The following SGCZ variants were observed in gnomAD, a reference collection of about 807,000 sequenced individuals.
SGCZ encodes zeta-sarcoglycan.
In SGCZ, 40 loss-of-function variants were observed where a neutral mutation model predicts 41.3. The observed-to-expected ratio is 0.97, with a 90% CI of 0.75 to 1.26. SGCZ has a LOEUF of 1.26. Ranked by LOEUF, SGCZ falls within the 50% of genes most tolerant of loss-of-function variation. SGCZ has a pLI of 0.00. For missense variants in SGCZ, 552 were observed against 369.8 expected, an observed-to-expected ratio of 1.49 and a Z score of -4.04; for synonymous variants, 206 against 137.5, an observed-to-expected ratio of 1.50 and a Z score of -3.49.
chr8:14,904,885 A>G (rs1488435092), intron 1 of SGCZ, among the ~76,000 whole-genome samples: 1 of 151,860 alleles, frequency 6.6e-6, no homozygotes, highest in African/African-American at 2.4e-5. Context: ...TTAGATAACC[A>G]TTCTTTATCT....
chr8:14,199,453 T>C (rs547505006), intron 4 of SGCZ, among the ~76,000 whole-genome samples: 1 of 152,186 alleles, frequency 6.6e-6, no homozygotes, highest in African/African-American at 2.4e-5. Context: ...GGTCCTGTGA[T>C]CTCGCCCTGC....
chr8:14,597,267 G>A (rs1158448033), intron 1 of SGCZ, among the ~76,000 whole-genome samples: 1 of 152,158 alleles, frequency 6.6e-6, no homozygotes, highest in African/African-American at 2.4e-5. Flanking sequence ...GGAAACTTTG[G>A]TGTGTGGCAC....
intron 1 of SGCZ, among the ~76,000 whole-genome samples, chr8:15,104,650 TACC>T (rs905892466): frequency 5.3e-5 from 8 of 152,222 alleles, no homozygotes; most frequent in East Asian, 1.9e-4. Flanking sequence ...TATTAATTTT[TACC>T]ACAACTGTGT....
chr8:14,533,135 C>A (rs979348840), intron 2 of SGCZ, among the ~76,000 whole-genome samples: 4 of 151,850 alleles, frequency 2.6e-5, no homozygotes, highest in African/African-American at 9.7e-5. Flanking sequence ...CTAATGCTAT[C>A]CTTCCCCACT....
In SGCZ at chr8:14,964,345, T is replaced by C. The variant is rs75433772; in HGVS notation, c.39+273240A>G. ...CATACAAATTTGACTATTCCTCATGTCTTATTTCTCACTGAAATGCCTTGA... is the reference window on the plus strand; with the variant it reads ...CATACAAATTTGACTATTCCTCATGCCTTATTTCTCACTGAAATGCCTTGA... On this transcript the variant is annotated intron_variant, in intron 1 of 7. Transcript: ENST00000382080. Among the ~76,000 whole-genome samples the C allele has an allele frequency of 4.5e-3, 685 of 152,302 alleles. 5 individuals carry two copies. Among genetic ancestry groups the C allele is most frequent in the African/African-American group, 0.016 (653 of 41,556 alleles).
chr8:15,123,942 G>A (rs1807580586), intron 1 of SGCZ, among the ~76,000 whole-genome samples: 1 of 152,106 alleles, frequency 6.6e-6, no homozygotes, highest in South Asian at 2.1e-4. Context: ...AGAGGGAAGG[G>A]TGGGTTGGGC....
At chr8:14,816,994 C>G (rs941602256) in intron 1 of SGCZ, among the ~76,000 whole-genome samples, 1 of 152,168 alleles carries the variant, frequency 6.6e-6, no homozygotes, top group African/African-American at 2.4e-5. Flanking sequence ...CATTAAGAAA[C>G]TGAAGGTCAA....
chr8:14,090,398 G>C lies in SGCZ; in HGVS notation c.*45C>G, dbSNP rs773098965. 2 of 1,579,504 alleles carry C rather than the reference G, an allele frequency of 1.3e-6. No individual in the cohort carries two copies. The highest frequency in any genetic ancestry group is 1.7e-6 in the Non-Finnish European group (2 of 1,161,258). ...ACCGAGCAGAACTGTGAAGCAGACG[G>C]ACAGGAACAAAAGGCTATTCTGGTG... On this transcript the variant is annotated 3_prime_UTR_variant, in exon 8 of 8. Coordinates refer to ENST00000382080, the MANE Select transcript of SGCZ (RefSeq NM_139167.4).
chr8:14,211,257 A>C (rs191329995), intron 4 of SGCZ, among the ~76,000 whole-genome samples: 3 of 152,234 alleles, frequency 2.0e-5, no homozygotes, highest in African/African-American at 7.2e-5. Flanking sequence ...TGGGCTGTGC[A>C]GTCATCCCAG....
At chr8:14,654,723 C>T (rs779271708) in intron 1 of SGCZ, among the ~76,000 whole-genome samples, 84 of 151,360 alleles carry the variant, frequency 5.5e-4, no homozygotes, top group Non-Finnish European at 1.0e-3. Context: ...AGGCACGCAC[C>T]GCCATGCCCA....
At chr8:14,735,888 A>C (rs1394771197) in intron 1 of SGCZ, among the ~76,000 whole-genome samples, 1 of 152,076 alleles carries the variant, frequency 6.6e-6, no homozygotes, top group Non-Finnish European at 1.5e-5. Context: ...GGTTGGAGGC[A>C]CCAAGAGCGA....
chr8:14,600,651 AG>A (rs1341912034), intron 1 of SGCZ, among the ~76,000 whole-genome samples: 4 of 152,194 alleles, frequency 2.6e-5, no homozygotes, highest in Admixed American at 2.6e-4. Context: ...TTGCTGATAA[AG>A]GTTATCACAG....
At chr8:14,802,196 C>T (rs1801342307) in intron 1 of SGCZ, among the ~76,000 whole-genome samples, 1 of 152,120 alleles carries the variant, frequency 6.6e-6, no homozygotes, top group African/African-American at 2.4e-5. Context: ...GAGTCAGCTA[C>T]CTACACCCTC....
chr8:14,443,876 C>T (rs4501578), intron 2 of SGCZ, among the ~76,000 whole-genome samples: 1 of 152,018 alleles, frequency 6.6e-6, no homozygotes, highest in Non-Finnish European at 1.5e-5. Context: ...GAACAGGCAA[C>T]CTACAGAATG....
At chr8:14,099,735 T>A (rs1801953962) in intron 7 of SGCZ, among the ~76,000 whole-genome samples, 1 of 151,570 alleles carries the variant, frequency 6.6e-6, no homozygotes, top group Admixed American at 6.6e-5. Context: ...CAAAAAAAAA[T>A]GCTTTATTAA....
intron 1 of SGCZ, among the ~76,000 whole-genome samples, chr8:14,755,400 T>C (rs1799632550): frequency 6.8e-6 from 1 of 147,386 alleles, no homozygotes; most frequent in Non-Finnish European, 1.5e-5. Context: ...ATTAAGGAGC[T>C]CTACTAATGG....
intron 3 of SGCZ, among the ~76,000 whole-genome samples, chr8:14,273,617 A>G (rs1800128520): frequency 6.6e-6 from 1 of 152,184 alleles, no homozygotes; most frequent in African/African-American, 2.4e-5. Context: ...ATTTTTGCAT[A>G]TTGTGTTTTA....
At position 14,125,919 on chromosome 8, in the gene SGCZ, T is replaced by G. The variant is rs7004839; in HGVS notation, c.548-17684A>C. Among the ~76,000 whole-genome samples, 963 of 152,162 alleles carry G rather than the reference T, an allele frequency of 6.3e-3. 7 individuals are homozygous for G. The highest frequency in any genetic ancestry group is 0.022 in the African/African-American group (917 of 41,532). On this transcript the variant is annotated intron_variant, in intron 5 of 7. Transcript: ENST00000382080. ...ATGGTTGGTGCTGGGAAAACTGGCG[T>G]GCCATATGCAGAAAACTGAAAACTG... is the stretch of plus-strand genomic sequence containing the variant.
intron 2 of SGCZ, among the ~76,000 whole-genome samples, chr8:14,482,662 C>CAT (rs1563358241): frequency 6.6e-6 from 1 of 152,008 alleles, no homozygotes; most frequent in Non-Finnish European, 1.5e-5. Flanking sequence ...AAGATATTAG[C>CAT]ATCTGCGAAA....
Sources: gnomAD v4.1 joint callset for allele counts (sites outside exome capture counted in the v4.1 genomes callset) on GRCh38, gnomAD v4.1.1 for gene constraint, MANE v1.5 for transcripts, NCBI Gene and HGNC (gene_info 2026-07-23, HGNC 2026-07-21) for gene names.